REELD1: variants seen among roughly 807,000 people sequenced by gnomAD.
REELD1 encodes the protein reelin domain-containing protein 1.
A neutral mutation model predicts 6.3 loss-of-function variants in REELD1; 12 were observed. The ratio of observed to expected loss-of-function variants is 1.89; its 90% CI spans 1.21 to 3.07. The LOEUF (loss-of-function observed/expected upper bound fraction) is 3.07. Ranked by LOEUF, REELD1 falls within the 30% of genes most tolerant of loss-of-function variation. The pLI is 0.00. For synonymous variants in REELD1, 57 were observed against 33.6 expected (o/e 1.70, Z -2.42); for missense variants, 163 against 86.8 (o/e 1.88, Z -3.49).
intron 5 of REELD1, among the ~76,000 whole-genome samples, chr4:146,226,266 C>T (rs764238504): frequency 7.2e-5 from 11 of 152,192 alleles, no homozygotes; most frequent in Non-Finnish European, 1.5e-4. Context: ...TCCCTTCTGA[C>T]ACTTCCTCAA....
chr4:146,228,175 C>A, intron 5 of REELD1, 35 bp from the exon 6 acceptor site: 1 of 684,062 alleles, frequency 1.5e-6, no homozygotes, highest in South Asian at 1.6e-5. Context: ...AAAATGCTCT[C>A]ACTCACTCTG....
Position 146,230,968 on chromosome 4 carries a change from C to T in REELD1, c.*455C>T, listed in dbSNP as rs966748438. ...AAAAGAACTGCAGCTCTCACTTTGC[C>T]TTCCTAAACCACCCCCAAAGAAGTT... On this transcript the variant is annotated 3_prime_UTR_variant, in exon 8 of 8. Coordinates refer to ENST00000623665, the MANE Select transcript of REELD1 (RefSeq NM_001354631.1). 6.6e-6 allele frequency: 1 copy of T among 152,430 alleles called. No homozygotes were observed. Among genetic ancestry groups the T allele is most frequent in the Non-Finnish European group, 1.5e-5 (1 of 68,214 alleles). The allele number at this position is 152,430 out of a possible 1,614,324, so 9.4% of individuals were successfully genotyped here.
intron 3 of REELD1, among the ~76,000 whole-genome samples, chr4:146,217,496 A>C (rs552540796): frequency 6.6e-6 from 1 of 152,278 alleles, no homozygotes; most frequent in South Asian, 2.1e-4. Flanking sequence ...CTCCTGATTC[A>C]GCCTCCAAAA....
chr4:146,216,169 A>G (rs1028431801), intron 2 of REELD1, among the ~76,000 whole-genome samples: 4 of 152,220 alleles, frequency 2.6e-5, no homozygotes, highest in African/African-American at 9.6e-5. Flanking sequence ...ACATTGCCAA[A>G]TTTTAATTCT....
Position 146,231,010 on chromosome 4 carries a change from A to G in REELD1, c.*497A>G, listed in dbSNP as rs566572512. 1.3e-5 allele frequency: 2 copies of G among 152,416 alleles called. No homozygotes were observed. The highest frequency in any genetic ancestry group is 2.1e-4 in the South Asian group (1 of 4,830). The allele number at this position is 152,416 out of a possible 1,614,324, so 9.4% of individuals were successfully genotyped here. A position where few individuals can be genotyped will look rare whatever the true frequency, so the allele number is the denominator to read the frequency against. ...AAAGAAGTTTTCTTTTCAAAACTGA[A>G]TTCAACAACTTGCTAGAGTTCTGAT... is the stretch of plus-strand genomic sequence containing the variant. On this transcript the variant is annotated 3_prime_UTR_variant, in exon 8 of 8. Coordinates refer to ENST00000623665, the MANE Select transcript of REELD1 (RefSeq NM_001354631.1).
chr4:146,225,973 G>T (rs759725816), intron 5 of REELD1, among the ~76,000 whole-genome samples: 2 of 152,080 alleles, frequency 1.3e-5, no homozygotes, highest in Non-Finnish European at 2.9e-5. Flanking sequence ...GCTTGTGCAC[G>T]CATGTATGTA....
intron 2 of REELD1, among the ~76,000 whole-genome samples, chr4:146,216,251 T>C (rs1017074150): frequency 1.3e-5 from 2 of 152,238 alleles, no homozygotes; most frequent in African/African-American, 4.8e-5. Flanking sequence ...TATTCAATCA[T>C]TGTATTCTAT....
In REELD1 at chr4:146,224,486, T is replaced by C. The variant is rs1730984695; in HGVS notation, c.473T>C (p.Ile158Thr). The change falls in exon 5 of 8, where the codon ATT becomes ACT. Residue 158 changes from isoleucine to threonine, a missense_variant. Physicochemically the swap from Ile to Thr is moderately conservative, Grantham distance 89. Transcript: ENST00000623665. ...VQSYFVYWAR[I>T]ESSVVSQQTH... Reference sequence around the variant, plus strand: ...TCATATTTTGTTTACTGGGCAAGGATTGAATCATCTGTTGTGTCTCAACAG... The same window carrying C: ...TCATATTTTGTTTACTGGGCAAGGACTGAATCATCTGTTGTGTCTCAACAG... 4.4e-6 allele frequency: 3 copies of C among 684,970 alleles called. No individual in the cohort carries two copies. Among genetic ancestry groups the C allele is most frequent in the South Asian group, 1.5e-5 (1 of 65,610 alleles). The allele number at this position is 684,970 out of a possible 1,614,324, so 42.4% of individuals were successfully genotyped here.
intron 5 of REELD1, among the ~76,000 whole-genome samples, chr4:146,225,145 A>G (rs1173980999): frequency 6.6e-6 from 1 of 152,184 alleles, no homozygotes; most frequent in Non-Finnish European, 1.5e-5. Context: ...TGCTCACTAC[A>G]TGGCTTTATA....
Position 146,229,071 on chromosome 4 carries a change from T to C in REELD1, c.955T>C (p.Ser319Pro). The change falls in exon 7 of 8, where the codon TCA (serine) becomes CCA (proline). Residue 319 changes from serine to proline, a missense_variant. Ser to Pro is a moderately conservative substitution (Grantham distance 74, BLOSUM62 -1). Transcript: ENST00000623665. ...TGATTCACTGGAAACTTGCCTGTCCTCAGATGGGGGTGAACAGGTAAGAAC... is the reference window on the plus strand; with the variant it reads ...TGATTCACTGGAAACTTGCCTGTCCCCAGATGGGGGTGAACAGGTAAGAAC... ...SFDSLETCLS[S>P]DGGEQDKTKA... 1.4e-6 allele frequency: 1 copy of C among 702,400 alleles called. No individual in the cohort carries two copies. The highest frequency in any genetic ancestry group is 1.5e-5 in the South Asian group (1 of 67,568). The allele number at this position is 702,400 out of a possible 1,614,324, so 43.5% of individuals were successfully genotyped here. A position where few individuals can be genotyped will look rare whatever the true frequency, so the allele number is the denominator to read the frequency against.
rs16998675 is a variant in REELD1, at chr4:146,217,041, C to T, written c.89C>T (p.Thr30Met). 0.26 allele frequency: 104,517 copies of T among 398,802 alleles called. 14,362 individuals are homozygous for T. The highest frequency in any genetic ancestry group is 0.35 in the Middle Eastern group (555 of 1,592). 24.7% of individuals were successfully genotyped at this position (398,802 alleles called of 1,614,324 possible). ...CSSAFSHGAS[T>M]VACDDMQPKH... ...TCTGCCTTTTCCCATGGTGCCAGCA[C>T]GGTGGCCTGTGATGACATGCAGCCC... Residue 30 changes from threonine (T) to methionine (M), a missense_variant, in exon 3 of 8, where the codon ACG becomes ATG. Transcript: ENST00000623665.
chr4:146,227,466 A>G (rs1450681627), intron 5 of REELD1, among the ~76,000 whole-genome samples: 1 of 152,160 alleles, frequency 6.6e-6, no homozygotes, highest in African/African-American at 2.4e-5. Flanking sequence ...TTGCCTGTGT[A>G]CCTGTGTGCC....
intron 5 of REELD1, among the ~76,000 whole-genome samples, chr4:146,226,322 G>C (rs1331583818): frequency 8.5e-5 from 13 of 152,168 alleles, no homozygotes; most frequent in Admixed American, 8.5e-4. Context: ...TCAAGGCACA[G>C]TTCAAATATC....
chr4:146,230,941 G>C lies in REELD1; in HGVS notation c.*428G>C, dbSNP rs943315053. 2 of 152,862 alleles carry C rather than the reference G, an allele frequency of 1.3e-5. No individual in the cohort carries two copies. The highest frequency in any genetic ancestry group is 4.8e-5 in the African/African-American group (2 of 41,496). The allele number at this position is 152,862 out of a possible 1,614,324, so 9.5% of individuals were successfully genotyped here. On this transcript the variant is annotated 3_prime_UTR_variant, in exon 8 of 8. Coordinates refer to ENST00000623665, the MANE Select transcript of REELD1 (RefSeq NM_001354631.1). ...TAATGTTGGGTTGTGTCTCCTGCAA[G>C]AAAAAGAACTGCAGCTCTCACTTTG... is the stretch of plus-strand genomic sequence containing the variant.
At chr4:146,227,156 G>T (rs1433006964) in intron 5 of REELD1, among the ~76,000 whole-genome samples, 1 of 151,740 alleles carries the variant, frequency 6.6e-6, no homozygotes, top group African/African-American at 2.4e-5. Flanking sequence ...CATTATGTTT[G>T]CATCTCCAAC....
rs1731121126 is a variant in REELD1, at chr4:146,230,917, A to G, written c.*404A>G. On this transcript the variant is annotated 3_prime_UTR_variant, in exon 8 of 8. Coordinates refer to ENST00000623665, the MANE Select transcript of REELD1 (RefSeq NM_001354631.1). ...TTCTAACTCTTTGGGGAAAAAAAGTAATGTTGGGTTGTGTCTCCTGCAAGA... is the reference window on the plus strand; with the variant it reads ...TTCTAACTCTTTGGGGAAAAAAAGTGATGTTGGGTTGTGTCTCCTGCAAGA... 6.5e-6 allele frequency: 1 copy of G among 154,278 alleles called. No individual in the cohort carries two copies. The highest frequency in any genetic ancestry group is 2.4e-5 in the African/African-American group (1 of 41,534). 9.6% of individuals were successfully genotyped at this position (154,278 alleles called of 1,614,324 possible).
rs1560722985 is a variant in REELD1, at chr4:146,217,066, C to T, written c.114C>T (p.Pro38=). 3 of 399,202 alleles carry T rather than the reference C, an allele frequency of 7.5e-6. No homozygotes were observed. The highest frequency in any genetic ancestry group is 8.8e-6 in the Non-Finnish European group (2 of 226,510). 24.7% of individuals were successfully genotyped at this position (399,202 alleles called of 1,614,324 possible). A position where few individuals can be genotyped will look rare whatever the true frequency, so the allele number is the denominator to read the frequency against. ...CGGTGGCCTGTGATGACATGCAGCC[C>T]AAGCACATCCAAGCCCAGCCTCAGC... ...ASTVACDDMQ[P]KHIQAQPQHQ... Residue 38 remains proline (P), a synonymous_variant, in exon 3 of 8, where the codon CCC becomes CCT. Transcript: ENST00000623665.
rs953318537 is a variant in REELD1, at chr4:146,221,814, G to A, written c.209-543G>A. ...GCAGAGGTTGCAGTGAGCTGAGATC[G>A]TGCCACTGCACTGCAGCCTGGTGAC... On this transcript the variant is annotated intron_variant, in intron 3 of 7. Transcript: ENST00000623665. Among the ~76,000 whole-genome samples, 13 of 151,926 alleles carry A rather than the reference G, an allele frequency of 8.6e-5. 1 individual carries two copies. The highest frequency in any genetic ancestry group is 1.9e-4 in the African/African-American group (8 of 41,344).
At chr4:146,228,886 C>T (rs1731076267) in intron 6 of REELD1, 139 bp from the exon 7 acceptor site, 1 of 621,594 alleles carries the variant, frequency 1.6e-6, no homozygotes, top group Non-Finnish European at 2.9e-6. Context: ...CCTTCCTCTT[C>T]TCTATGGTTC....
Sources: allele counts gnomAD v4.1 joint callset (sites outside exome capture counted in the v4.1 genomes callset), GRCh38; gene constraint gnomAD v4.1.1; transcripts MANE v1.5; gene names NCBI Gene and HGNC (gene_info 2026-07-23, HGNC 2026-07-21).